CCDC18: variants seen among roughly 807,000 people sequenced by gnomAD.
CCDC18 encodes coiled-coil domain-containing protein 18.
In CCDC18, 157 loss-of-function variants were observed where a neutral mutation model predicts 196.0. The observed-to-expected ratio is 0.80, with a 90% confidence interval of 0.70 to 0.91. The LOEUF (loss-of-function observed/expected upper bound fraction) is 0.91, where lower values mean the gene tolerates loss of function less well. Ranked by LOEUF, CCDC18 falls within the 40% of genes least tolerant of loss-of-function variation. The probability of loss-of-function intolerance (pLI) is 0.00; values close to 1 mark genes in which losing one functional copy is unlikely to be tolerated. For missense variants in CCDC18, 1,465 were observed against 1,611.6 expected (o/e 0.91, Z 1.56); for synonymous variants, 482 against 529.2 (o/e 0.91, Z 1.22).
intron 28 of CCDC18, among the ~76,000 whole-genome samples, chr1:93,274,167 G>A (rs1010892936): frequency 6.6e-6 from 1 of 152,204 alleles, no homozygotes. Context: ...CACTTTGGGA[G>A]GCTGAGGCAG....
At chr1:93,232,322 T>A in intron 17 of CCDC18, 104 bp from the exon 18 acceptor site, 1 of 673,528 alleles carries the variant, frequency 1.5e-6, no homozygotes, top group Non-Finnish European at 2.5e-6. Context: ...TTGTCCCACA[T>A]GACAAGTGGA....
chr1:93,257,499 C>CAA (rs748329007), intron 25 of CCDC18, among the ~76,000 whole-genome samples: 2 of 142,200 alleles, frequency 1.4e-5, no homozygotes, highest in Non-Finnish European at 1.5e-5. Context: ...ATTGATGTTG[C>CAA]AAAAAAAAAA....
intron 10 of CCDC18, 35 bp from the exon 11 acceptor site, chr1:93,212,066 T>C (rs80146225): frequency 6.5e-7 from 1 of 1,549,476 alleles, no homozygotes; most frequent in Non-Finnish European, 8.7e-7. Context: ...ATAGAATCTT[T>C]CTAATAATTT....
rs904156257 is a variant in CCDC18, at chr1:93,252,770, G to A, written c.3199-1701G>A. Among the ~76,000 whole-genome samples, 18 of 152,306 alleles carry A rather than the reference G, an allele frequency of 1.2e-4. 1 individual carries two copies. Among genetic ancestry groups the A allele is most frequent in the Admixed American group, 7.2e-4 (11 of 15,298 alleles). On this transcript the variant is annotated intron_variant, in intron 23 of 28. Coordinates refer to ENST00000690025, the MANE Select transcript of CCDC18 (RefSeq NM_001378204.1). ...AGTTTGTGCTTGTCCTTTTTGGGAG[G>A]CCCTTCCAGGAATTTAAGCAAACTG... is the stretch of plus-strand genomic sequence containing the variant.
At chr1:93,232,021 G>C (rs1407730932) in intron 17 of CCDC18, among the ~76,000 whole-genome samples, 1 of 152,112 alleles carries the variant, frequency 6.6e-6, no homozygotes, top group Non-Finnish European at 1.5e-5. Flanking sequence ...GGCAATATCT[G>C]TTTCTGCCTA....
chr1:93,224,419 C>T (rs1239657740), intron 16 of CCDC18, among the ~76,000 whole-genome samples: 3 of 152,164 alleles, frequency 2.0e-5, no homozygotes, highest in South Asian at 2.1e-4. Context: ...CAACATTGTC[C>T]GTACTAAAAT....
intron 4 of CCDC18, among the ~76,000 whole-genome samples, chr1:93,187,603 AGAG>A (rs1650945435): frequency 6.6e-6 from 1 of 152,164 alleles, no homozygotes; most frequent in Non-Finnish European, 1.5e-5. Flanking sequence ...AGTTTTAAAT[AGAG>A]GAGTTATGGG....
At chr1:93,234,202 G>A (rs1415790422) in intron 18 of CCDC18, among the ~76,000 whole-genome samples, 1 of 150,104 alleles carries the variant, frequency 6.7e-6, no homozygotes, top group Non-Finnish European at 1.5e-5. Context: ...TCACTGTGTC[G>A]CCAGGCTGGA....
At chr1:93,275,648 A>T (rs2101586489) in intron 28 of CCDC18, among the ~76,000 whole-genome samples, 1 of 152,328 alleles carries the variant, frequency 6.6e-6, no homozygotes, top group Non-Finnish European at 1.5e-5. Context: ...TTACCCAGTT[A>T]CTTAAATCTA....
chr1:93,216,037 G>A (rs1656426761), intron 12 of CCDC18, among the ~76,000 whole-genome samples: 2 of 152,172 alleles, frequency 1.3e-5, no homozygotes, highest in East Asian at 3.8e-4. Flanking sequence ...TGCTTTCTCA[G>A]CTTAAAGTCT....
At chr1:93,253,153 C>T (rs1662490871) in intron 23 of CCDC18, among the ~76,000 whole-genome samples, 1 of 152,196 alleles carries the variant, frequency 6.6e-6, no homozygotes. Flanking sequence ...ACACATAGCC[C>T]AGCAAGCTCC....
chr1:93,257,551 C>A (rs999264177), intron 25 of CCDC18, among the ~76,000 whole-genome samples: 1 of 150,690 alleles, frequency 6.6e-6, no homozygotes, highest in African/African-American at 2.4e-5. Flanking sequence ...TAATTCAATT[C>A]CATAGGAACT....
In CCDC18 at chr1:93,242,725, G is replaced by A. The variant is rs534996733; in HGVS notation, c.2981+2829G>A. 2.6e-5 allele frequency among the ~76,000 whole-genome samples: 4 copies of A among 152,344 alleles called. No individual in the cohort carries two copies. The South Asian group carries it at 8.3e-4, about 32-fold the overall frequency. Reference sequence around the variant, plus strand: ...ACTTCCTAGATACAGTGGGGGTACAGACATTGGGTAAATACACCCATTCCA... The same window carrying A: ...ACTTCCTAGATACAGTGGGGGTACAAACATTGGGTAAATACACCCATTCCA... On this transcript the variant is annotated intron_variant, in intron 21 of 28. Transcript: ENST00000690025.
At chr1:93,278,074 C>A in intron 28 of CCDC18, among the ~76,000 whole-genome samples, 1 of 151,976 alleles carries the variant, frequency 6.6e-6, no homozygotes, top group East Asian at 1.9e-4. Context: ...GCAACCTCCC[C>A]CTCCAAGGTT....
chr1:93,246,496 T>C (rs755541264), intron 22 of CCDC18, among the ~76,000 whole-genome samples: 1 of 152,132 alleles, frequency 6.6e-6, no homozygotes, highest in Non-Finnish European at 1.5e-5. Context: ...GAAGGCGTTA[T>C]TTAGCACTTT....
At chr1:93,208,099 G>T (rs1353029971) in intron 9 of CCDC18, among the ~76,000 whole-genome samples, 1 of 152,070 alleles carries the variant, frequency 6.6e-6, no homozygotes, top group Non-Finnish European at 1.5e-5. Flanking sequence ...CAAGTCTTTG[G>T]ACATGTTTTC....
At chr1:93,180,928 A>T (rs771320250) in intron 1 of CCDC18, 76 bp downstream of exon 1, 1 of 1,320,830 alleles carries the variant, frequency 7.6e-7, no homozygotes, top group South Asian at 1.2e-5. Flanking sequence ...TACCTGGGGG[A>T]GTTCTGTTCC....
At chr1:93,235,458 C>T (rs1366054001) in intron 18 of CCDC18, among the ~76,000 whole-genome samples, 3 of 152,140 alleles carry the variant, frequency 2.0e-5, no homozygotes, top group Non-Finnish European at 4.4e-5. Flanking sequence ...ACTTGGAAGT[C>T]ACTGGTGTTG....
Position 93,217,856 on chromosome 1 carries a change from A to C in CCDC18, c.1949A>C (p.Lys650Thr), listed in dbSNP as rs1656763320. The C allele has an allele frequency of 6.2e-7, 1 of 1,610,442 alleles. No individual in the cohort carries two copies. Among genetic ancestry groups the C allele is most frequent in the Non-Finnish European group, 8.5e-7 (1 of 1,178,044 alleles). The stretch of plus-strand genomic sequence containing the variant: ...TTGGAACAGCATAAAGAAATGGAAA[A>C]GCAGATTGAAAGAGTAAGTAATACA... ...IHLEQHKEME[K>T]QIERLEAQLE... The change falls in exon 14 of 29, where the codon AAG becomes ACG. Residue 650 changes from lysine (K) to threonine (T), a missense_variant. Physicochemically the swap from Lys to Thr is moderately conservative, Grantham distance 78. Coordinates refer to ENST00000690025, the MANE Select transcript of CCDC18 (RefSeq NM_001378204.1).
Sources: gnomAD v4.1 joint callset for allele counts (sites outside exome capture counted in the v4.1 genomes callset) on GRCh38, gnomAD v4.1.1 for gene constraint, MANE v1.5 for transcripts, NCBI Gene and HGNC (gene_info 2026-07-23, HGNC 2026-07-21) for gene names.